SPATA13: variants seen among roughly 807,000 people sequenced by gnomAD.
SPATA13 encodes the protein spermatogenesis-associated protein 13.
Under a neutral mutation model 104.0 loss-of-function variants are expected in SPATA13, and 50 were observed. The ratio of observed to expected loss-of-function variants is 0.48; its 90% CI spans 0.38 to 0.61. The LOEUF (loss-of-function observed/expected upper bound fraction) is 0.61. SPATA13 is among the 20% of genes least tolerant of loss of function. The pLI is 0.00. For synonymous variants in SPATA13, 606 were observed against 667.5 expected, an observed-to-expected ratio of 0.91 and a Z score of 1.42; for missense variants, 1,524 against 1,690.6, an observed-to-expected ratio of 0.90 and a Z score of 1.73.
chr13:24,175,188 T>A (rs947862491), intron 1 of SPATA13, among the ~76,000 whole-genome samples: 1 of 152,166 alleles, frequency 6.6e-6, no homozygotes, highest in Non-Finnish European at 1.5e-5. Flanking sequence ...AATCCTGCAG[T>A]GGACTGTTTT....
intron 3 of SPATA13, among the ~76,000 whole-genome samples, chr13:24,061,237 T>C (rs531193055): frequency 5.3e-5 from 8 of 152,250 alleles, no homozygotes; most frequent in African/African-American, 1.9e-4. Flanking sequence ...TCTTGCAAGG[T>C]TGTAGAGAAA....
chr13:24,236,333 A>G (rs944198853), intron 2 of SPATA13, among the ~76,000 whole-genome samples: 2 of 152,174 alleles, frequency 1.3e-5, no homozygotes, highest in Non-Finnish European at 2.9e-5. Flanking sequence ...TTGAATAGAC[A>G]TTTCTCTAAA....
intron 9 of SPATA13, among the ~76,000 whole-genome samples, chr13:24,291,556 G>T (rs1447304195): frequency 6.6e-6 from 1 of 152,114 alleles, no homozygotes; most frequent in Admixed American, 6.5e-5. Flanking sequence ...CCGACTCTCT[G>T]GTCTTCTCCC....
chr13:24,172,253 A>T (rs1029519764), intron 1 of SPATA13, among the ~76,000 whole-genome samples: 2 of 152,206 alleles, frequency 1.3e-5, no homozygotes, highest in African/African-American at 2.4e-5. Context: ...TTCTCCGATG[A>T]TACTAATACT....
intron 3 of SPATA13, among the ~76,000 whole-genome samples, chr13:24,061,239 G>A (rs1476250587): frequency 6.6e-6 from 1 of 152,172 alleles, no homozygotes; most frequent in Non-Finnish European, 1.5e-5. Context: ...TTGCAAGGTT[G>A]TAGAGAAAAA....
chr13:24,131,753 T>C (rs1021724362), intron 3 of SPATA13, among the ~76,000 whole-genome samples: 2 of 152,198 alleles, frequency 1.3e-5, no homozygotes, highest in Non-Finnish European at 1.5e-5. Flanking sequence ...ATGTGGACCC[T>C]GGCTGTCTTG....
At chr13:24,041,303 C>T (rs775082473) in intron 3 of SPATA13, among the ~76,000 whole-genome samples, 3 of 152,200 alleles carry the variant, frequency 2.0e-5, no homozygotes, top group Non-Finnish European at 1.5e-5. Flanking sequence ...GACGTTTCAA[C>T]CTGAATTTTA....
At chr13:23,993,234 C>G (rs989206967) in intron 2 of SPATA13, among the ~76,000 whole-genome samples, 2 of 152,256 alleles carry the variant, frequency 1.3e-5, no homozygotes, top group Non-Finnish European at 2.9e-5. Flanking sequence ...AGAATCACAG[C>G]TGCTGCCTCA....
chr13:24,176,563 G>A (rs1868446861), intron 1 of SPATA13, among the ~76,000 whole-genome samples: 1 of 151,752 alleles, frequency 6.6e-6, no homozygotes, highest in South Asian at 2.1e-4. Flanking sequence ...ATGGGACCAG[G>A]CAAGTCCAAG....
At chr13:24,107,256 A>AG (rs1449026228) in intron 3 of SPATA13, among the ~76,000 whole-genome samples, 142 of 149,724 alleles carry the variant, frequency 9.5e-4, no homozygotes, top group African/African-American at 3.4e-3. Flanking sequence ...AAAAAAAAAA[A>AG]AAAAAAAAGC....
rs894175266 is a variant in SPATA13, at chr13:24,288,197, A to G, written c.2668-802A>G. 3.4e-4 allele frequency among the ~76,000 whole-genome samples: 51 copies of G among 152,174 alleles called. 2 individuals are homozygous for G. The highest frequency in any genetic ancestry group is 2.9e-5 in the Non-Finnish European group (2 of 68,020). ...CCCTGAGCAGGTCCTGTTAGCCCCC[A>G]TTGCAGATGGGGAAACAAAGGCACA... is the stretch of plus-strand genomic sequence containing the variant. On this transcript the variant is annotated intron_variant, in intron 7 of 12. Transcript: ENST00000382108.
chr13:24,246,242 G>A (rs1458311388), intron 2 of SPATA13, among the ~76,000 whole-genome samples: 1 of 152,140 alleles, frequency 6.6e-6, no homozygotes, highest in Non-Finnish European at 1.5e-5. Context: ...TTATTACAGG[G>A]CAATAATGTA....
intron 3 of SPATA13, among the ~76,000 whole-genome samples, chr13:24,132,081 CAT>C (rs1881404715): frequency 6.6e-6 from 1 of 152,230 alleles, no homozygotes; most frequent in Non-Finnish European, 1.5e-5. Context: ...AAGTAGCTGA[CAT>C]GTGTTACTTG....
Position 24,167,596 on chromosome 13 carries a change from G to C in SPATA13, c.-112+6664G>C, listed in dbSNP as rs1882795864. Among the ~76,000 whole-genome samples, 3 of 152,102 alleles carry C rather than the reference G, an allele frequency of 2.0e-5. No individual in the cohort carries two copies. In the South Asian group the frequency reaches 6.2e-4, roughly 32 times the overall value. On this transcript the variant is annotated intron_variant, in intron 1 of 12. Transcript: ENST00000382108. ...TACTTCTGTGTGAATAGTGTGAATGGGAATGTTATGTGAATTGGGTGCCCT... is the reference window on the plus strand; with the variant it reads ...TACTTCTGTGTGAATAGTGTGAATGCGAATGTTATGTGAATTGGGTGCCCT...
rs538455228 is a variant in SPATA13, at chr13:24,011,002, A to G, written c.-146-6665A>G. 5.9e-5 allele frequency among the ~76,000 whole-genome samples: 9 copies of G among 152,088 alleles called. No homozygotes were observed. The highest frequency in any genetic ancestry group is 1.2e-4 in the Non-Finnish European group (8 of 67,964). ...TAGAGGAATGTTCCCTCTCTGCCTT[A>G]CTGCTTTCTTCTGTCTTTCCCTCTG... is the stretch of plus-strand genomic sequence containing the variant. On this transcript the variant is annotated intron_variant, in intron 2 of 14. Coordinates refer to the SPATA13 transcript ENST00000424834. This position sits in a 1 kb window ranked among gnomAD's most constrained non-coding sequence, Gnocchi z 4.3.
chr13:24,055,506 A>T (rs144035261), intron 3 of SPATA13, among the ~76,000 whole-genome samples: 56 of 152,340 alleles, frequency 3.7e-4, no homozygotes, highest in African/African-American at 1.3e-3. Flanking sequence ...GTCTTAGAAC[A>T]GTGCCCGAAG....
At chr13:24,168,469 GTGTT>G (rs1436658201) in intron 1 of SPATA13, among the ~76,000 whole-genome samples, 7 of 152,180 alleles carry the variant, frequency 4.6e-5, no homozygotes, top group Middle Eastern at 3.2e-3. Context: ...GTACACTTCA[GTGTT>G]TGTTGCAAAT....
intron 3 of SPATA13, among the ~76,000 whole-genome samples, chr13:24,023,646 A>G (rs1475159478): frequency 6.6e-6 from 1 of 152,156 alleles, no homozygotes; most frequent in African/African-American, 2.4e-5. Context: ...AAGGGTCCTT[A>G]AAAGTGGAAG....
chr13:24,261,034 A>T (rs910815165), intron 4 of SPATA13, among the ~76,000 whole-genome samples: 1 of 152,058 alleles, frequency 6.6e-6, no homozygotes, highest in Non-Finnish European at 1.5e-5. Flanking sequence ...GCAGAGGAGG[A>T]GGCTGAGAGG....
Sources: gnomAD v4.1 joint callset for allele counts (sites outside exome capture counted in the v4.1 genomes callset) on GRCh38, gnomAD v4.1.1 for gene constraint, Gnocchi (gnomAD v3.1) non-coding constraint, MANE v1.5 for transcripts, NCBI Gene and HGNC (gene_info 2026-07-23, HGNC 2026-07-21) for gene names.